Variants in WASL observed in about 807,000 individuals in gnomAD.
WASL encodes the protein actin nucleation-promoting factor WASL.
A neutral mutation model predicts 55.5 loss-of-function variants in WASL; 20 were observed. That is an observed-to-expected ratio of 0.36 (90% CI 0.25 to 0.52). The LOEUF is 0.52. Ranked by LOEUF, WASL falls within the 20% of genes least tolerant of loss-of-function variation. The probability of loss-of-function intolerance (pLI) is 0.92; values close to 1 mark genes in which losing one functional copy is unlikely to be tolerated. For synonymous variants in WASL, 249 were observed against 217.6 expected, an observed-to-expected ratio of 1.14 and a Z score of -1.27; for missense variants, 504 against 622.5, an observed-to-expected ratio of 0.81 and a Z score of 2.03.
chr7:123,688,019 G>A, intron 10 of WASL, among the ~76,000 whole-genome samples: 1 of 152,108 alleles, frequency 6.6e-6, no homozygotes, highest in East Asian at 1.9e-4. Flanking sequence ...TAACAAACAA[G>A]AAACTGAGGC....
At chr7:123,696,429 T>G in intron 6 of WASL, 150 bp downstream of exon 6, 2 of 488,458 alleles carry the variant, frequency 4.1e-6, no homozygotes, top group Non-Finnish European at 6.0e-6. Flanking sequence ...AAAAAAAAAC[T>G]CCAATAAAGT....
chr7:123,710,256 GAATAT>G (rs892272621), intron 1 of WASL, among the ~76,000 whole-genome samples: 3 of 150,324 alleles, frequency 2.0e-5, no homozygotes, highest in Non-Finnish European at 3.0e-5. Context: ...AAATCATTTA[GAATAT>G]AATACTTCAT....
chr7:123,727,186 A>G (rs1287703143), intron 1 of WASL, among the ~76,000 whole-genome samples: 5 of 152,194 alleles, frequency 3.3e-5, no homozygotes, highest in Admixed American at 2.6e-4. Flanking sequence ...CACATAAAAT[A>G]CTGGAGATGT....
At chr7:123,700,532 C>T (rs543953372) in intron 5 of WASL, among the ~76,000 whole-genome samples, 26 of 152,024 alleles carry the variant, frequency 1.7e-4, no homozygotes, top group African/African-American at 4.3e-4. Context: ...CCTTCACCTC[C>T]GGGTTCAAGT....
intron 1 of WASL, among the ~76,000 whole-genome samples, chr7:123,741,489 T>TCC (rs1174185566): frequency 9.0e-4 from 137 of 152,316 alleles, no homozygotes; most frequent in African/African-American, 3.2e-3. Flanking sequence ...TATGAATGTA[T>TCC]AAACTTTTGT....
intron 1 of WASL, among the ~76,000 whole-genome samples, chr7:123,718,399 TAACGA>T (rs1441920583): frequency 6.6e-6 from 1 of 152,278 alleles, no homozygotes; most frequent in East Asian, 1.9e-4. Flanking sequence ...AAACCACACT[TAACGA>T]AACAACTTTT....
At chr7:123,717,571 C>T (rs1212395584) in intron 1 of WASL, among the ~76,000 whole-genome samples, 1 of 152,172 alleles carries the variant, frequency 6.6e-6, no homozygotes. Context: ...GTGTGACATA[C>T]TATGATCCAA....
intron 1 of WASL, among the ~76,000 whole-genome samples, chr7:123,722,038 T>C (rs941281947): frequency 1.3e-5 from 2 of 152,098 alleles, no homozygotes; most frequent in African/African-American, 4.8e-5. Context: ...AGGGTACTGT[T>C]AGTTTCTGGA....
In WASL at chr7:123,748,990, A is replaced by C; in HGVS notation, c.-256T>G. 5 of 463,206 alleles carry C rather than the reference A, an allele frequency of 1.1e-5. No individual in the cohort carries two copies. The highest frequency in any genetic ancestry group is 4.0e-5 in the South Asian group (1 of 25,050). The allele number at this position is 463,206 out of a possible 1,614,324, so 28.7% of individuals were successfully genotyped here. A position where few individuals can be genotyped will look rare whatever the true frequency, so the allele number is the denominator to read the frequency against. ...AGGGCCGGATGGTCGTTGTCCTCGC[A>C]CTCCGGCGACTGCGCTAAACTCCCA... On this transcript the variant is annotated 5_prime_UTR_variant, in exon 1 of 11. Transcript: ENST00000223023.
chr7:123,718,017 T>A (rs554398795), intron 1 of WASL, among the ~76,000 whole-genome samples: 2 of 152,234 alleles, frequency 1.3e-5, no homozygotes, highest in African/African-American at 4.8e-5. Flanking sequence ...AAAACTGTCA[T>A]GTAAAGAAGT....
chr7:123,723,730 C>A (rs1000553496), intron 1 of WASL, among the ~76,000 whole-genome samples: 2 of 152,140 alleles, frequency 1.3e-5, no homozygotes, highest in Non-Finnish European at 2.9e-5. Context: ...CAGAAAAGTT[C>A]CAATAACTCC....
intron 5 of WASL, among the ~76,000 whole-genome samples, chr7:123,698,635 A>G (rs917924027): frequency 6.6e-6 from 1 of 152,188 alleles, no homozygotes; most frequent in African/African-American, 2.4e-5. Flanking sequence ...GATAAGAAAT[A>G]GTTTTTGGGA....
chr7:123,688,115 C>T (rs1038177157), intron 10 of WASL, among the ~76,000 whole-genome samples: 1 of 152,134 alleles, frequency 6.6e-6, no homozygotes, highest in African/African-American at 2.4e-5. Context: ...TCAACTACTC[C>T]AATCAGCAAA....
intron 4 of WASL, among the ~76,000 whole-genome samples, chr7:123,705,885 T>C (rs1437885150): frequency 1.3e-5 from 2 of 152,134 alleles, no homozygotes; most frequent in Admixed American, 6.6e-5. Context: ...TAAAATACTT[T>C]TAAAACTTTA....
intron 1 of WASL, chr7:123,720,239 TC>T: frequency 2.4e-6 from 1 of 413,588 alleles, no homozygotes; most frequent in Non-Finnish European, 4.7e-6. Flanking sequence ...ATCTTCAGAA[TC>T]TTAAAATTAT....
In WASL at chr7:123,748,518, C is replaced by G. The variant is rs937620530; in HGVS notation, c.117+100G>C. 4.6e-6 allele frequency: 6 copies of G among 1,315,852 alleles called. No homozygotes were observed. In the South Asian group the frequency reaches 7.5e-5, roughly 16 times the overall value. 81.5% of individuals were successfully genotyped at this position (1,315,852 alleles called of 1,614,324 possible). On this transcript the variant is annotated intron_variant, in intron 1 of 10. Transcript: ENST00000223023. Reference sequence around the variant, plus strand: ...GCCGGGGCTGGCGGGAGGCCTGGCCCGCGCCGCTCCCGCCTCCTTCCCCAC... The same window carrying G: ...GCCGGGGCTGGCGGGAGGCCTGGCCGGCGCCGCTCCCGCCTCCTTCCCCAC...
rs1290453292 is a variant in WASL, at chr7:123,706,731, A to C, written c.339+9T>G. 1 of 1,544,330 alleles carries C rather than the reference A, an allele frequency of 6.5e-7. No homozygotes were observed. The highest frequency in any genetic ancestry group is 2.2e-5 in the Admixed American group (1 of 45,702). On this transcript the variant is annotated intron_variant, in intron 3 of 10. Coordinates refer to ENST00000223023, the MANE Select transcript of WASL (RefSeq NM_003941.4). ...AGTAAAGATGGCAATAAAGAAAAAT[A>C]TGACTTACATCTCCAGCAAAGGTAT... is the stretch of plus-strand genomic sequence containing the variant.
rs761059193 is a variant in WASL at position 123,704,641 on chromosome 7, G to A, written c.453C>T (p.Pro151=). ...AATTGTCAAAAAGCTTACCATTTGG[G>A]GGATCTCGTCTTTTCTCTGTTAGAA... ...RQRKSEKRRD[P]PNGPNLPMAT... Residue 151 remains proline, a synonymous_variant, in exon 5 of 11, where the codon CCC becomes CCT. Transcript: ENST00000223023. The A allele has an allele frequency of 1.3e-5, 19 of 1,506,084 alleles. No individual in the cohort carries two copies. In the South Asian group the frequency reaches 1.3e-4, roughly 11 times the overall value. The allele number at this position is 1,506,084 out of a possible 1,614,324, so 93.3% of individuals were successfully genotyped here.
rs1023126494 is a variant in WASL, at chr7:123,682,732, T to C, written c.*1787A>G. The C allele has an allele frequency of 6.6e-6, 1 of 152,144 alleles. No individual in the cohort carries two copies. The highest frequency in any genetic ancestry group is 2.4e-5 in the African/African-American group (1 of 41,438). 9.4% of individuals were successfully genotyped at this position (152,144 alleles called of 1,614,324 possible). ...ACTTTTGTACAAACTCCTGATTTTA[T>C]TGGTTAGTAGTTGTCCAGCCTCATC... On this transcript the variant is annotated 3_prime_UTR_variant, in exon 11 of 11. Transcript: ENST00000223023.
Sources: gnomAD v4.1 joint callset for allele counts (sites outside exome capture counted in the v4.1 genomes callset) on GRCh38, gnomAD v4.1.1 for gene constraint, MANE v1.5 for transcripts, NCBI Gene and HGNC (gene_info 2026-07-23, HGNC 2026-07-21) for gene names.